ARHGAP24: variants seen among roughly 807,000 people sequenced by gnomAD.
The protein encoded by ARHGAP24 is Rho GTPase activating protein 24.
ARHGAP24 carries 50 observed loss-of-function variants against 76.4 expected under a neutral mutation model. The ratio of observed to expected loss-of-function variants is 0.65; its 90% CI spans 0.52 to 0.83. The LOEUF is 0.83. Among genes scored for constraint, ARHGAP24 ranks in the 40% least tolerant of loss-of-function variants. The pLI is 0.00. For synonymous variants in ARHGAP24, 345 were observed against 323.3 expected (o/e 1.07, Z -0.72); for missense variants, 930 against 914.2 (o/e 1.02, Z -0.22).
At chr4:85,582,174 G>A (rs1727641219) in intron 2 of ARHGAP24, among the ~76,000 whole-genome samples, 1 of 152,060 alleles carries the variant, frequency 6.6e-6, no homozygotes, top group Admixed American at 6.6e-5. Context: ...TATCCTATGG[G>A]AAAATGAGCA....
intron 2 of ARHGAP24, among the ~76,000 whole-genome samples, chr4:85,670,707 T>G (rs1375482200): frequency 6.6e-6 from 1 of 152,206 alleles, no homozygotes; most frequent in Non-Finnish European, 1.5e-5. Context: ...ACATTTGTTC[T>G]TGTTGGAAAG....
At chr4:85,700,898 T>C (rs753470490) in intron 2 of ARHGAP24, among the ~76,000 whole-genome samples, 16 of 152,166 alleles carry the variant, frequency 1.1e-4, no homozygotes, top group Non-Finnish European at 2.1e-4. Context: ...AAAACAAAAA[T>C]AAAATATCTC....
chr4:85,517,514 A>T (rs1258630628), intron 1 of ARHGAP24, among the ~76,000 whole-genome samples: 1 of 152,134 alleles, frequency 6.6e-6, no homozygotes, highest in Non-Finnish European at 1.5e-5. Flanking sequence ...AAAGCTAACC[A>T]GTTTGCATTT....
At chr4:85,908,033 A>G (rs1323741028) in intron 3 of ARHGAP24, among the ~76,000 whole-genome samples, 3 of 152,172 alleles carry the variant, frequency 2.0e-5, no homozygotes, top group African/African-American at 7.2e-5. Context: ...ACTCAACTTG[A>G]AAAAGCTACA....
chr4:85,741,666 G>A (rs959444463), intron 3 of ARHGAP24, among the ~76,000 whole-genome samples: 1 of 152,198 alleles, frequency 6.6e-6, no homozygotes, highest in African/African-American at 2.4e-5. Context: ...GAGTTGGAGG[G>A]CGGGCAACAA....
chr4:85,807,632 G>A (rs1268744790), intron 3 of ARHGAP24, among the ~76,000 whole-genome samples: 1 of 152,146 alleles, frequency 6.6e-6, no homozygotes, highest in East Asian at 1.9e-4. Flanking sequence ...TGGCTGAAAT[G>A]ATTAATGTCC....
intron 2 of ARHGAP24, among the ~76,000 whole-genome samples, chr4:85,585,124 G>C (rs113563334): frequency 6.6e-6 from 1 of 152,068 alleles, no homozygotes; most frequent in Non-Finnish European, 1.5e-5. Flanking sequence ...ACTTTTAGTT[G>C]TTTCACATTA....
At chr4:85,672,447 A>G (rs1722844159) in intron 2 of ARHGAP24, among the ~76,000 whole-genome samples, 1 of 152,080 alleles carries the variant, frequency 6.6e-6, no homozygotes, top group Admixed American at 6.5e-5. Flanking sequence ...GAAGACACTG[A>G]TAAGAATGAT....
At chr4:85,665,988 T>G (rs1304915574) in intron 2 of ARHGAP24, among the ~76,000 whole-genome samples, 2 of 152,216 alleles carry the variant, frequency 1.3e-5, no homozygotes, top group African/African-American at 4.8e-5. Context: ...CTGACAATTA[T>G]GTGTCTTGAA....
At position 85,564,924 on chromosome 4, in the gene ARHGAP24, G is replaced by GTATATATA. The variant is rs3028011; in HGVS notation, c.-20-5559_-20-5552dup. 2.3e-3 allele frequency among the ~76,000 whole-genome samples: 123 copies of GTATATATA among 53,196 alleles called. 1 individual carries two copies. Among genetic ancestry groups the GTATATATA allele is most frequent in the East Asian group, 4.6e-3 (3 of 654 alleles). 34.9% of individuals were successfully genotyped at this position (53,196 alleles called of 152,430 possible). ...CCCTGCTCTAGGCAGAACACACACG[G>GTATATATA]TATATATATATATATATATATATAT... On this transcript the variant is annotated intron_variant, in intron 1 of 9. Transcript: ENST00000395184.
At chr4:85,528,269 A>G (rs1725097436) in intron 1 of ARHGAP24, among the ~76,000 whole-genome samples, 2 of 152,108 alleles carry the variant, frequency 1.3e-5, no homozygotes, top group Admixed American at 6.6e-5. Context: ...ATAATAATAC[A>G]TTGTGCTTAA....
intron 5 of ARHGAP24, among the ~76,000 whole-genome samples, chr4:85,959,460 C>T (rs1037369944): frequency 9.9e-5 from 15 of 152,146 alleles, no homozygotes; most frequent in African/African-American, 3.4e-4. Context: ...CTCGTTTTAC[C>T]CAGCCCCTAT....
intron 2 of ARHGAP24, among the ~76,000 whole-genome samples, chr4:85,674,130 C>T (rs1308080164): frequency 1.3e-5 from 2 of 152,134 alleles, no homozygotes; most frequent in African/African-American, 2.4e-5. Flanking sequence ...TTCATCAGAA[C>T]CATCTGGAGG....
chr4:85,489,033 A>T (rs373171674), intron 1 of ARHGAP24, among the ~76,000 whole-genome samples: 45 of 152,254 alleles, frequency 3.0e-4, no homozygotes, highest in African/African-American at 9.1e-4. Flanking sequence ...TTATGTTTGA[A>T]CCCATTTAAA....
chr4:85,938,829 CT>C (rs994825423), intron 4 of ARHGAP24, among the ~76,000 whole-genome samples: 50 of 147,212 alleles, frequency 3.4e-4, no homozygotes, highest in African/African-American at 4.7e-4. Context: ...TTTTCCTTCT[CT>C]TTTTTTTTTT....
chr4:85,862,682 G>T (rs1731968302), intron 3 of ARHGAP24, among the ~76,000 whole-genome samples: 1 of 152,038 alleles, frequency 6.6e-6, no homozygotes, highest in Non-Finnish European at 1.5e-5. Context: ...AACTTGACCT[G>T]TCCAAAATGC....
intron 3 of ARHGAP24, among the ~76,000 whole-genome samples, chr4:85,840,448 G>T (rs368274722): frequency 6.6e-6 from 1 of 152,104 alleles, no homozygotes; most frequent in Non-Finnish European, 1.5e-5. Flanking sequence ...GCCACAGAAG[G>T]TCTGATGAAC....
intron 1 of ARHGAP24, among the ~76,000 whole-genome samples, chr4:85,514,251 T>A (rs1159109556): frequency 6.6e-6 from 1 of 152,152 alleles, no homozygotes; most frequent in African/African-American, 2.4e-5. Context: ...GTGTCCCAGC[T>A]GCCCAGAGCA....
At chr4:85,696,410 G>T (rs1338788312) in intron 2 of ARHGAP24, among the ~76,000 whole-genome samples, 1 of 152,028 alleles carries the variant, frequency 6.6e-6, no homozygotes, top group African/African-American at 2.4e-5. Flanking sequence ...GGGAAGAAAA[G>T]ATATTTACAC....
Sources: gnomAD v4.1 joint callset for allele counts (sites outside exome capture counted in the v4.1 genomes callset) on GRCh38, gnomAD v4.1.1 for gene constraint, MANE v1.5 for transcripts, NCBI Gene and HGNC (gene_info 2026-07-23, HGNC 2026-07-21) for gene names.